The following PBX4 variants were observed in gnomAD, a reference collection of about 807,000 sequenced individuals.
PBX4 encodes the protein PBX homeobox 4.
PBX4 carries 26 observed loss-of-function variants against 35.1 expected under a neutral mutation model. That is an observed-to-expected ratio of 0.74 (90% CI 0.54 to 1.03). The LOEUF is 1.03. PBX4 is among the 50% of genes least tolerant of loss of function. The probability of loss-of-function intolerance (pLI) is 0.00; values close to 1 mark genes in which losing one functional copy is unlikely to be tolerated. For missense variants in PBX4, 448 were observed against 504.3 expected (o/e 0.89, Z 1.07); for synonymous variants, 199 against 204.2 (o/e 0.97, Z 0.22).
intron 1 of PBX4, among the ~76,000 whole-genome samples, chr19:19,602,933 A>G (rs2061607038): frequency 6.6e-6 from 1 of 152,126 alleles, no homozygotes. Flanking sequence ...TCCCAGCCCT[A>G]AATCACCCCA....
intron 1 of PBX4, among the ~76,000 whole-genome samples, chr19:19,614,803 C>T (rs527608955): frequency 4.6e-4 from 69 of 150,772 alleles, no homozygotes; most frequent in African/African-American, 1.3e-3. Flanking sequence ...AAGGCTGAGG[C>T]GGGAGGATTT....
At chr19:19,601,849 C>T (rs552499953) in intron 1 of PBX4, among the ~76,000 whole-genome samples, 6 of 152,238 alleles carry the variant, frequency 3.9e-5, no homozygotes, top group African/African-American at 1.4e-4. Flanking sequence ...GCTTTCTGAC[C>T]TACCGAAATG....
At chr19:19,565,705 G>T (rs1481971326) in intron 5 of PBX4, among the ~76,000 whole-genome samples, 2 of 152,044 alleles carry the variant, frequency 1.3e-5, no homozygotes, top group Non-Finnish European at 2.9e-5. Flanking sequence ...ATCATCTGAG[G>T]TCAGGAGTTC....
At chr19:19,573,351 AC>A (rs1568381684) in intron 2 of PBX4, among the ~76,000 whole-genome samples, 10 of 151,474 alleles carry the variant, frequency 6.6e-5, no homozygotes, top group Non-Finnish European at 1.5e-4. Context: ...ACACACACAC[AC>A]ACACACACAC....
intron 2 of PBX4, among the ~76,000 whole-genome samples, chr19:19,580,598 G>A (rs2061447849): frequency 6.6e-6 from 1 of 152,228 alleles, no homozygotes; most frequent in Non-Finnish European, 1.5e-5. Context: ...ATAAGGAAAT[G>A]AGTTCTACAA....
chr19:19,581,227 G>A (rs1270854731), intron 2 of PBX4, among the ~76,000 whole-genome samples: 1 of 152,152 alleles, frequency 6.6e-6, no homozygotes, highest in African/African-American at 2.4e-5. Context: ...TTGTATGTCT[G>A]TTTTATTTTT....
chr19:19,596,489 C>A (rs1193366293), intron 2 of PBX4, among the ~76,000 whole-genome samples: 1 of 152,124 alleles, frequency 6.6e-6, no homozygotes, highest in African/African-American at 2.4e-5. Context: ...TGTGTACACA[C>A]GCATCTGTAA....
In PBX4 at chr19:19,596,385, T is replaced by TAAATAAAC. The variant is rs1555738938; in HGVS notation, c.193+2906_193+2907insGTTTATTT. 6.8e-3 allele frequency among the ~76,000 whole-genome samples: 1,035 copies of TAAATAAAC among 151,428 alleles called. 15 individuals carry two copies. Among genetic ancestry groups the TAAATAAAC allele is most frequent in the African/African-American group, 0.023 (943 of 41,210 alleles). Reference sequence around the variant, plus strand: ...GAGAATAAATAAATAAATAAATAAATAAACAAACAAAAATAAAGATATCAT... The same window carrying TAAATAAAC: ...GAGAATAAATAAATAAATAAATAAATAAATAAACAAACAAACAAAAATAAAGATATCAT... On this transcript the variant is annotated intron_variant, in intron 2 of 7. Coordinates refer to ENST00000251203, the MANE Select transcript of PBX4 (RefSeq NM_025245.3).
chr19:19,590,450 CGTTTT>C (rs997687099), intron 2 of PBX4, among the ~76,000 whole-genome samples: 1 of 151,840 alleles, frequency 6.6e-6, no homozygotes, highest in Admixed American at 6.6e-5. Context: ...GGATGGACCA[CGTTTT>C]GTTTTGTTTT....
intron 1 of PBX4, among the ~76,000 whole-genome samples, chr19:19,611,556 G>A (rs2061662697): frequency 1.3e-5 from 2 of 151,726 alleles, no homozygotes; most frequent in Non-Finnish European, 1.5e-5. Flanking sequence ...GCAGGTGCCT[G>A]TAATCCCAGC....
chr19:19,602,079 T>C (rs2061601235), intron 1 of PBX4, among the ~76,000 whole-genome samples: 1 of 151,244 alleles, frequency 6.6e-6, no homozygotes, highest in African/African-American at 2.4e-5. Context: ...AAGAATTTCA[T>C]GGAGAGAAGA....
intron 5 of PBX4, among the ~76,000 whole-genome samples, chr19:19,565,507 G>A (rs992332468): frequency 5.9e-5 from 9 of 152,336 alleles, no homozygotes; most frequent in Admixed American, 2.0e-4. Context: ...AACTGCGATC[G>A]AATCCCAAAC....
intron 1 of PBX4, among the ~76,000 whole-genome samples, chr19:19,613,866 G>C (rs889024162): frequency 5.9e-5 from 9 of 152,070 alleles, no homozygotes; most frequent in African/African-American, 1.9e-4. Context: ...ATCACGGAAG[G>C]CACCCTCTCC....
At chr19:19,578,965 GA>G (rs1469419184) in intron 2 of PBX4, among the ~76,000 whole-genome samples, 1 of 152,124 alleles carries the variant, frequency 6.6e-6, no homozygotes, top group Admixed American at 6.6e-5. Flanking sequence ...CAAGCCAAGA[GA>G]AAAGGCCTCA....
chr19:19,594,374 C>A (rs1279960689), intron 2 of PBX4, among the ~76,000 whole-genome samples: 1 of 146,414 alleles, frequency 6.8e-6, no homozygotes, highest in African/African-American at 2.5e-5. Flanking sequence ...CCAGCCTAGG[C>A]AACAAGAGTG....
At chr19:19,600,130 A>T (rs939344020) in intron 1 of PBX4, among the ~76,000 whole-genome samples, 8 of 145,730 alleles carry the variant, frequency 5.5e-5, no homozygotes, top group African/African-American at 1.8e-4. Context: ...CAATAGAGTG[A>T]GACTCTGTCT....
At position 19,618,535 on chromosome 19, in the gene PBX4, TG is replaced by T. The variant is rs752859637; in HGVS notation, c.94del (p.Gln32ArgfsTer13). 22 of 1,475,862 alleles carry T rather than the reference TG, an allele frequency of 1.5e-5. No individual in the cohort carries two copies. Among genetic ancestry groups the T allele is most frequent in the Admixed American group, 2.3e-5 (1 of 44,150 alleles). 91.4% of individuals were successfully genotyped at this position (1,475,862 alleles called of 1,614,324 possible). On this transcript the variant is annotated frameshift_variant, in exon 1 of 8. Coordinates refer to ENST00000251203, the MANE Select transcript of PBX4 (RefSeq NM_025245.3). LOFTEE classifies it high-confidence loss of function. ...CCTGGCCTGTGCCTCGTCCAGGCTC[TG>T]GTCGGTGATGGCCATGATCTGCTGC... ...VLQQIMAITD[Q>X]SLDEAQARKH...
intron 1 of PBX4, chr19:19,608,041 T>C (rs1365758717): frequency 1.3e-5 from 2 of 152,214 alleles, no homozygotes; most frequent in Non-Finnish European, 2.9e-5. Flanking sequence ...TTAGAACTTA[T>C]GTTCCCTGCT....
intron 1 of PBX4, among the ~76,000 whole-genome samples, chr19:19,607,312 C>A (rs992621965): frequency 1.3e-5 from 2 of 152,062 alleles, no homozygotes; most frequent in African/African-American, 4.8e-5. Flanking sequence ...CCTCGGCCTC[C>A]CAAAGTGCTG....
Sources: gnomAD v4.1 joint callset for allele counts (sites outside exome capture counted in the v4.1 genomes callset) on GRCh38, gnomAD v4.1.1 for gene constraint, MANE v1.5 for transcripts, NCBI Gene and HGNC (gene_info 2026-07-23, HGNC 2026-07-21) for gene names.